DAP3: variants seen among roughly 807,000 people sequenced by gnomAD.
The protein encoded by DAP3 is small ribosomal subunit protein mS29.
DAP3 carries 28 observed loss-of-function variants against 51.9 expected under a neutral mutation model. The observed-to-expected ratio is 0.54, with a 90% CI of 0.40 to 0.74. DAP3 has a LOEUF of 0.74. Among genes scored for constraint, DAP3 ranks in the 30% least tolerant of loss-of-function variants. DAP3 has a pLI of 0.00. For missense variants in DAP3, 458 were observed against 483.5 expected (o/e 0.95, Z 0.49); for synonymous variants, 170 against 170.3 (o/e 1.00, Z 0.01).
Position 155,691,062 on chromosome 1 carries a change from C to T in DAP3, c.-8+1888C>T, listed in dbSNP as rs542196727. Among the ~76,000 whole-genome samples, 28 of 141,890 alleles carry T rather than the reference C, an allele frequency of 2.0e-4. 3 individuals are homozygous for T. Among genetic ancestry groups the T allele is most frequent in the Non-Finnish European group, 2.9e-4 (20 of 68,032 alleles). The allele number at this position is 141,890 out of a possible 152,430, so 93.1% of individuals were successfully genotyped here. A position where few individuals can be genotyped will look rare whatever the true frequency, so the allele number is the denominator to read the frequency against. On this transcript the variant is annotated intron_variant, in intron 1 of 12. Coordinates refer to ENST00000368336, the MANE Select transcript of DAP3 (RefSeq NM_004632.4). ...AGCTGGGACTACAGGCACCCGCCAC[C>T]ACGTCCAGCTAATTTTTTGTATTTT...
rs796730106 is a variant in DAP3, at chr1:155,703,664, A to G, written c.-7-6109A>G. Among the ~76,000 whole-genome samples the G allele has an allele frequency of 1.1e-4, 17 of 152,188 alleles. 1 individual carries two copies. The highest frequency in any genetic ancestry group is 4.1e-4 in the African/African-American group (17 of 41,494). On this transcript the variant is annotated intron_variant, in intron 1 of 12. Coordinates refer to ENST00000368336, the MANE Select transcript of DAP3 (RefSeq NM_004632.4). Reference sequence around the variant, plus strand: ...GCAATTCTCCTGCCTCAGCCTCCTGAGTATCTGGGACTACAGGCGCCCGCC... The same window carrying G: ...GCAATTCTCCTGCCTCAGCCTCCTGGGTATCTGGGACTACAGGCGCCCGCC...
At chr1:155,717,231 TGC>T in intron 3 of DAP3, 103 bp downstream of exon 3, 1 of 1,539,680 alleles carries the variant, frequency 6.5e-7, no homozygotes. Context: ...TTAGTAGATT[TGC>T]ATTTACTCAG....
chr1:155,717,757 G>T (rs1222417667), intron 3 of DAP3, among the ~76,000 whole-genome samples: 1 of 152,126 alleles, frequency 6.6e-6, no homozygotes, highest in Non-Finnish European at 1.5e-5. Context: ...TTTTGTAAGT[G>T]GATTTCCTAG....
chr1:155,719,039 T>C (rs1184341357), intron 3 of DAP3, among the ~76,000 whole-genome samples: 5 of 152,160 alleles, frequency 3.3e-5, no homozygotes, highest in Non-Finnish European at 7.4e-5. Flanking sequence ...GGCTTCATTA[T>C]TTGGGCCACC....
chr1:155,701,446 A>C (rs1283571285), intron 1 of DAP3, among the ~76,000 whole-genome samples: 100 of 113,120 alleles, frequency 8.8e-4, no homozygotes, highest in African/African-American at 3.8e-3. Context: ...AGGGCGGTGC[A>C]AGATGTGCTT....
intron 10 of DAP3, 78 bp from the exon 11 acceptor site, chr1:155,731,866 A>G (rs1244102254): frequency 6.9e-7 from 1 of 1,446,554 alleles, no homozygotes; most frequent in African/African-American, 1.4e-5. Context: ...AGAAAGAAAA[A>G]AAAAATCTAC....
chr1:155,703,068 G>A (rs538536770), intron 1 of DAP3, among the ~76,000 whole-genome samples: 2 of 152,304 alleles, frequency 1.3e-5, no homozygotes, highest in African/African-American at 4.8e-5. Context: ...AGTAAGTGTT[G>A]GAATCAGGAC....
At chr1:155,695,592 C>T (rs1654415825) in intron 1 of DAP3, among the ~76,000 whole-genome samples, 1 of 152,166 alleles carries the variant, frequency 6.6e-6, no homozygotes, top group African/African-American at 2.4e-5. Context: ...AAATCCCGAG[C>T]ACACACAGCT....
chr1:155,718,685 C>CAA (rs550907462), intron 3 of DAP3, among the ~76,000 whole-genome samples: 2 of 79,470 alleles, frequency 2.5e-5, no homozygotes, highest in African/African-American at 9.5e-5. Flanking sequence ...GACTCTGTCT[C>CAA]AAAAAAAAAA....
intron 1 of DAP3, among the ~76,000 whole-genome samples, chr1:155,698,076 C>T (rs1262376385): frequency 1.3e-5 from 2 of 152,174 alleles, no homozygotes; most frequent in Admixed American, 6.5e-5. Flanking sequence ...CCCCGAAAAT[C>T]GTTGTTATCC....
At chr1:155,703,773 G>A (rs188791830) in intron 1 of DAP3, among the ~76,000 whole-genome samples, 188 of 152,290 alleles carry the variant, frequency 1.2e-3, no homozygotes, top group African/African-American at 3.9e-3. Flanking sequence ...TTCTGACCTC[G>A]TGATCCACCC....
chr1:155,734,872 G>A (rs1303494864), intron 11 of DAP3, among the ~76,000 whole-genome samples: 1 of 152,042 alleles, frequency 6.6e-6, no homozygotes, highest in Non-Finnish European at 1.5e-5. Flanking sequence ...TTCCATATCT[G>A]TAACTCTAAT....
At chr1:155,731,135 C>T (rs776784497) in intron 9 of DAP3, among the ~76,000 whole-genome samples, 5 of 151,906 alleles carry the variant, frequency 3.3e-5, no homozygotes, top group Admixed American at 1.3e-4. Flanking sequence ...GCTCTGGTGG[C>T]GCGCGCCTAT....
intron 10 of DAP3, 61 bp downstream of exon 10, chr1:155,731,476 T>C: frequency 5.9e-6 from 9 of 1,530,780 alleles, no homozygotes; most frequent in Non-Finnish European, 8.1e-6. Context: ...TTAAACATGT[T>C]CTACTATTTC....
At chr1:155,708,701 A>AT (rs1179008308) in intron 1 of DAP3, among the ~76,000 whole-genome samples, 2,424 of 125,864 alleles carry the variant, frequency 0.019, 48 homozygotes, top group East Asian at 0.043. Flanking sequence ...CTCCTGACTA[A>AT]TTTTTTTTTT....
chr1:155,689,714 C>T lies in DAP3; in HGVS notation c.-8+540C>T. On this transcript the variant is annotated intron_variant, in intron 1 of 12. Transcript: ENST00000368336. ...GGATGACAAGGTGAAGAGATCGAGA[C>T]AATCCTGGCCAACATGGTGAAACCC... is the stretch of plus-strand genomic sequence containing the variant. 3 of 263,534 alleles carry T rather than the reference C, an allele frequency of 1.1e-5. 1 individual carries two copies. The highest frequency in any genetic ancestry group is 9.9e-5 in the South Asian group (3 of 30,308). 16.3% of individuals were successfully genotyped at this position (263,534 alleles called of 1,614,324 possible). A position where few individuals can be genotyped will look rare whatever the true frequency, so the allele number is the denominator to read the frequency against.
Position 155,689,336 on chromosome 1 carries a change from G to A in DAP3, c.-8+162G>A, listed in dbSNP as rs1653327229. The A allele has an allele frequency of 5.3e-6, 3 of 570,992 alleles. No individual in the cohort carries two copies. The African/African-American group carries it at 5.5e-5, about 11-fold the overall frequency. The allele number at this position is 570,992 out of a possible 1,614,324, so 35.4% of individuals were successfully genotyped here. A position where few individuals can be genotyped will look rare whatever the true frequency, so the allele number is the denominator to read the frequency against. On this transcript the variant is annotated intron_variant, in intron 1 of 12. Transcript: ENST00000368336. The stretch of plus-strand genomic sequence containing the variant: ...CCTGGGACCCGAGGAAGTTCGGCGT[G>A]GTGGTGTGCTTTTTGTTGTTGTTAA...
chr1:155,724,421 G>A (rs1658338837), intron 4 of DAP3, among the ~76,000 whole-genome samples: 1 of 150,556 alleles, frequency 6.6e-6, no homozygotes, highest in Non-Finnish European at 1.5e-5. Flanking sequence ...GGATCATGAG[G>A]TCAGGAGTTC....
chr1:155,692,368 C>G (rs1244372215), intron 1 of DAP3, among the ~76,000 whole-genome samples: 1 of 141,588 alleles, frequency 7.1e-6, no homozygotes, highest in East Asian at 1.9e-4. Context: ...AGCCTTTTTC[C>G]CAACATGCCC....
Sources: allele counts gnomAD v4.1 joint callset (sites outside exome capture counted in the v4.1 genomes callset), GRCh38; gene constraint gnomAD v4.1.1; transcripts MANE v1.5; gene names NCBI Gene and HGNC (gene_info 2026-07-23, HGNC 2026-07-21).